RBMS3: variants seen among roughly 807,000 people sequenced by gnomAD.
RBMS3 encodes the protein RNA-binding motif, single-stranded-interacting protein 3.
Under a neutral mutation model 66.8 loss-of-function variants are expected in RBMS3, and 27 were observed. The ratio of observed to expected loss-of-function variants is 0.40; its 90% CI spans 0.30 to 0.56. RBMS3 has a LOEUF of 0.56. Among genes scored for constraint, RBMS3 ranks in the 20% least tolerant of loss-of-function variants. RBMS3 has a pLI of 0.40. For missense variants in RBMS3, 513 were observed against 549.5 expected (o/e 0.93, Z 0.66); for synonymous variants, 188 against 183.0 (o/e 1.03, Z -0.22).
At chr3:29,468,019 G>A (rs1484037054) in intron 2 of RBMS3, among the ~76,000 whole-genome samples, 1 of 152,128 alleles carries the variant, frequency 6.6e-6, no homozygotes, top group Non-Finnish European at 1.5e-5. Flanking sequence ...GTTGGCTACA[G>A]TTTAATCTTT....
intron 6 of RBMS3, among the ~76,000 whole-genome samples, chr3:29,838,154 T>C (rs2058572634): frequency 8.1e-6 from 1 of 123,244 alleles, no homozygotes; most frequent in South Asian, 2.5e-4. Context: ...CTGGGCAACA[T>C]AGTGAGACCT....
intron 3 of RBMS3, among the ~76,000 whole-genome samples, chr3:29,566,177 C>T (rs2046735940): frequency 6.6e-6 from 1 of 152,090 alleles, no homozygotes; most frequent in South Asian, 2.1e-4. Flanking sequence ...GATCTTGGCA[C>T]TTACAGCCTC....
intron 4 of RBMS3, among the ~76,000 whole-genome samples, chr3:29,733,776 T>C (rs1259653373): frequency 1.3e-5 from 2 of 152,138 alleles, no homozygotes; most frequent in Admixed American, 6.6e-5. Flanking sequence ...TTTTTGCTTT[T>C]GTTGCCTGTG....
intron 4 of RBMS3, among the ~76,000 whole-genome samples, chr3:29,592,595 T>C (rs1269307420): frequency 6.6e-6 from 1 of 152,170 alleles, no homozygotes. Flanking sequence ...TGGCAGACAG[T>C]GTGGTGATTC....
At chr3:29,701,184 G>C (rs773852348) in intron 4 of RBMS3, among the ~76,000 whole-genome samples, 1 of 152,072 alleles carries the variant, frequency 6.6e-6, no homozygotes, top group Non-Finnish European at 1.5e-5. Flanking sequence ...GGCTGAGGCA[G>C]GCGAATTGCT....
intron 4 of RBMS3, among the ~76,000 whole-genome samples, chr3:29,634,975 T>C (rs1233621225): frequency 6.6e-6 from 1 of 151,924 alleles, no homozygotes; most frequent in Non-Finnish European, 1.5e-5. Flanking sequence ...AGAAGTACTC[T>C]AAATAGAAGC....
At chr3:29,656,767 C>T (rs150204228) in intron 4 of RBMS3, among the ~76,000 whole-genome samples, 32 of 152,186 alleles carry the variant, frequency 2.1e-4, no homozygotes, top group African/African-American at 7.5e-4. Context: ...ATGCTCTAAT[C>T]AAATTGTCTT....
chr3:29,701,596 C>A (rs191907228), intron 4 of RBMS3, among the ~76,000 whole-genome samples: 3,678 of 151,244 alleles, frequency 0.024, 137 homozygotes, highest in African/African-American at 0.083. Flanking sequence ...CAGGTGGGAA[C>A]TGGGGCTGCG....
rs529755928 is a variant in RBMS3, at chr3:29,961,625, G to A, written c.1098+17371G>A. Among the ~76,000 whole-genome samples the A allele has an allele frequency of 2.2e-3, 342 of 152,140 alleles. 1 individual carries two copies. The highest frequency in any genetic ancestry group is 7.8e-3 in the African/African-American group (323 of 41,494). Reference sequence around the variant, plus strand: ...GCCTCGGGAAACTTACAACAATCATGGTGGAAGGTGAAGGAAATATATCCT... The same window carrying A: ...GCCTCGGGAAACTTACAACAATCATAGTGGAAGGTGAAGGAAATATATCCT... On this transcript the variant is annotated intron_variant, in intron 12 of 14. Coordinates refer to ENST00000383767, the MANE Select transcript of RBMS3 (RefSeq NM_001003793.3).
In RBMS3 at chr3:29,734,639, G is replaced by A. The variant is rs937016633; in HGVS notation, c.400-5081G>A. Among the ~76,000 whole-genome samples the A allele has an allele frequency of 7.9e-5, 12 of 152,112 alleles. No homozygotes were observed. The South Asian group carries it at 1.0e-3, about 13-fold the overall frequency. On this transcript the variant is annotated intron_variant, in intron 4 of 14. Coordinates refer to ENST00000383767, the MANE Select transcript of RBMS3 (RefSeq NM_001003793.3). ...GGGTGTTCCATTATGAAAAGAAATA[G>A]TAGGAATATATTCCCATAAAGCAGT...
chr3:29,341,160 C>T (rs2036259174), intron 1 of RBMS3, among the ~76,000 whole-genome samples: 1 of 151,944 alleles, frequency 6.6e-6, no homozygotes, highest in Non-Finnish European at 1.5e-5. Context: ...TTCATATATA[C>T]ATAAAATGCT....
chr3:29,697,254 G>T (rs148001857), intron 4 of RBMS3, among the ~76,000 whole-genome samples: 6 of 152,164 alleles, frequency 3.9e-5, no homozygotes, highest in Admixed American at 3.9e-4. Flanking sequence ...TGTAGTTTTG[G>T]TAAAGAAAAG....
At chr3:29,506,777 T>G (rs1028259106) in intron 3 of RBMS3, among the ~76,000 whole-genome samples, 1 of 151,972 alleles carries the variant, frequency 6.6e-6, no homozygotes, top group Admixed American at 6.6e-5. Context: ...AGATTTTCCA[T>G]TACTTCATGG....
intron 4 of RBMS3, among the ~76,000 whole-genome samples, chr3:29,671,570 G>T (rs2051002280): frequency 6.6e-6 from 1 of 152,146 alleles, no homozygotes; most frequent in East Asian, 1.9e-4. Context: ...AGAATAAACA[G>T]CATAGAGAAG....
At chr3:29,388,306 C>T (rs2039108582) in intron 1 of RBMS3, among the ~76,000 whole-genome samples, 1 of 152,180 alleles carries the variant, frequency 6.6e-6, no homozygotes. Flanking sequence ...GTATAAACTT[C>T]TGTGTGTTTT....
chr3:29,957,445 C>T (rs548331196), intron 12 of RBMS3, among the ~76,000 whole-genome samples: 4 of 152,204 alleles, frequency 2.6e-5, no homozygotes, highest in East Asian at 1.9e-4. Context: ...AAAACAGACT[C>T]AGAATTCCCA....
At chr3:29,714,108 A>G (rs2053289430) in intron 4 of RBMS3, among the ~76,000 whole-genome samples, 1 of 142,294 alleles carries the variant, frequency 7.0e-6, no homozygotes. Context: ...ACAAATATTT[A>G]TTGAGCACCC....
chr3:29,404,898 A>AG (rs1336330160), intron 1 of RBMS3, among the ~76,000 whole-genome samples: 6 of 152,162 alleles, frequency 3.9e-5, no homozygotes, highest in African/African-American at 1.4e-4. Flanking sequence ...GACAAATAAT[A>AG]TAGTCTTGCA....
At chr3:29,793,415 A>AT (rs961348502) in intron 6 of RBMS3, among the ~76,000 whole-genome samples, 6 of 152,148 alleles carry the variant, frequency 3.9e-5, no homozygotes, top group African/African-American at 1.4e-4. Context: ...TTTATTTAAT[A>AT]TTTATTAAGT....
Sources: gnomAD v4.1 joint callset for allele counts (sites outside exome capture counted in the v4.1 genomes callset) on GRCh38, gnomAD v4.1.1 for gene constraint, MANE v1.5 for transcripts, NCBI Gene and HGNC (gene_info 2026-07-23, HGNC 2026-07-21) for gene names.